IGFBP4: variants seen among roughly 807,000 people sequenced by gnomAD.
IGFBP4 encodes the protein insulin-like growth factor-binding protein 4.
Under a neutral mutation model 25.8 loss-of-function variants are expected in IGFBP4, and 9 were observed. That is an observed-to-expected ratio of 0.35 (90% CI 0.21 to 0.61). The LOEUF (loss-of-function observed/expected upper bound fraction) is 0.61, where lower values mean the gene tolerates loss of function less well. Ranked by LOEUF, IGFBP4 falls within the 20% of genes least tolerant of loss-of-function variation. IGFBP4 has a pLI of 0.77. For missense variants in IGFBP4, 315 were observed against 365.3 expected (o/e 0.86, Z 1.12); for synonymous variants, 153 against 153.9 (o/e 0.99, Z 0.05).
At chr17:40,446,310 TA>T (rs34843649) in intron 1 of IGFBP4, among the ~76,000 whole-genome samples, 69,622 of 133,730 alleles carry the variant, frequency 0.52, 18,468 homozygotes, top group Middle Eastern at 0.64. Context: ...CTCTATTTCG[TA>T]AAAAAAAAAA....
intron 1 of IGFBP4, among the ~76,000 whole-genome samples, chr17:40,450,480 G>C (rs1009807750): frequency 6.6e-6 from 1 of 152,004 alleles, no homozygotes; most frequent in Admixed American, 6.6e-5. Flanking sequence ...CTCAGCCTCT[G>C]TCCTTCTGAC....
rs923266973 is a variant in IGFBP4 at position 40,457,588 on chromosome 17, C to T, written c.*1005C>T. ...ATATCTCCTTCCCCTACACCTCCCT[C>T]CCCACACCTCCCTACTCCCCTGGGC... On this transcript the variant is annotated 3_prime_UTR_variant, in exon 4 of 4. Transcript: ENST00000269593. 17 of 152,166 alleles carry T rather than the reference C, an allele frequency of 1.1e-4. No individual in the cohort carries two copies. The highest frequency in any genetic ancestry group is 4.1e-4 in the African/African-American group (17 of 41,392). 9.4% of individuals were successfully genotyped at this position (152,166 alleles called of 1,614,324 possible).
chr17:40,455,381 T>G (rs1370284295), intron 3 of IGFBP4, among the ~76,000 whole-genome samples: 1 of 152,118 alleles, frequency 6.6e-6, no homozygotes, highest in Non-Finnish European at 1.5e-5. Flanking sequence ...AGTGCAGTGA[T>G]GCGATCACAG....
In IGFBP4 at chr17:40,453,744, C is replaced by T. The variant is rs1171783540; in HGVS notation, c.508-184C>T. Among the ~76,000 whole-genome samples the T allele has an allele frequency of 2.6e-5, 4 of 152,266 alleles. No homozygotes were observed. The South Asian group carries it at 6.2e-4, about 24-fold the overall frequency. ...CTTTGGCTCGAGACCCTTTCCTCCA[C>T]GTCTCTACCCTCCCAGTGTGTCCTC... On this transcript the variant is annotated intron_variant, in intron 2 of 3. Transcript: ENST00000269593. The surrounding 1 kb of genome is among the most constrained non-coding windows in gnomAD (Gnocchi z 4.0).
rs769764436 is a variant in IGFBP4 at position 40,453,911 on chromosome 17, G to A, written c.508-17G>A. 1 of 1,591,394 alleles carries A rather than the reference G, an allele frequency of 6.3e-7. No individual in the cohort carries two copies. The highest frequency in any genetic ancestry group is 1.1e-5 in the South Asian group (1 of 88,174). On this transcript the variant is annotated splice_polypyrimidine_tract_variant and intron_variant, in intron 2 of 3. Coordinates refer to ENST00000269593, the MANE Select transcript of IGFBP4 (RefSeq NM_001552.3). This position sits in a 1 kb window ranked among gnomAD's most constrained non-coding sequence, Gnocchi z 4.0. ...TCTCTTCCTTCTGCTGAGCAATTTT[G>A]TCTTCCCCTCCTCCAGCCCCAGGGC...
At position 40,443,464 on chromosome 17, in the gene IGFBP4, C is replaced by G. The variant is rs2035620424; in HGVS notation, c.-272C>G. 6.4e-6 allele frequency: 1 copy of G among 156,936 alleles called. No homozygotes were observed. Among genetic ancestry groups the G allele is most frequent in the African/African-American group, 2.4e-5 (1 of 41,460 alleles). The allele number at this position is 156,936 out of a possible 1,614,324, so 9.7% of individuals were successfully genotyped here. On this transcript the variant is annotated 5_prime_UTR_variant, in exon 1 of 4. Transcript: ENST00000269593. Reference sequence around the variant, plus strand: ...CGGTCCCGGGCAGCCGCTCAGCCCCCTGCCCCTCGCCGCCCGCCGCCTGCC... The same window carrying G: ...CGGTCCCGGGCAGCCGCTCAGCCCCGTGCCCCTCGCCGCCCGCCGCCTGCC...
At chr17:40,447,782 G>A (rs984231262) in intron 1 of IGFBP4, among the ~76,000 whole-genome samples, 6 of 152,104 alleles carry the variant, frequency 3.9e-5, no homozygotes, top group Admixed American at 2.0e-4. Context: ...GGGTTGGGGC[G>A]TCTGGCATCG....
rs895494664 is a variant in IGFBP4, at chr17:40,443,990, G to A, written c.255G>A (p.Gly85=). Residue 85 remains glycine, a synonymous_variant, in exon 1 of 4, where the codon GGG becomes GGA. Transcript: ENST00000269593. ...GSGLRCYPPR[G]VEKPLHTLMH... Reference sequence around the variant, plus strand: ...GCCTGCGCTGCTACCCGCCCCGAGGGGTGGAGAAGCCCCTGCACACACTGA... The same window carrying A: ...GCCTGCGCTGCTACCCGCCCCGAGGAGTGGAGAAGCCCCTGCACACACTGA... The A allele has an allele frequency of 1.3e-6, 2 of 1,531,992 alleles. No homozygotes were observed. Among genetic ancestry groups the A allele is most frequent in the Non-Finnish European group, 1.7e-6 (2 of 1,144,892 alleles). 94.9% of individuals were successfully genotyped at this position (1,531,992 alleles called of 1,614,324 possible). A position where few individuals can be genotyped will look rare whatever the true frequency, so the allele number is the denominator to read the frequency against.
rs976069773 is a variant in IGFBP4 at position 40,443,760 on chromosome 17, G to A, written c.25G>A (p.Ala9Thr). ...CATGCTGCCCCTCTGCCTCGTGGCCGCCCTGCTGCTGGCCGCCGGGCCCGG... is the reference window on the plus strand; with the variant it reads ...CATGCTGCCCCTCTGCCTCGTGGCCACCCTGCTGCTGGCCGCCGGGCCCGG... MLPLCLVA[A>T]LLLAAGPGPS... The change falls in exon 1 of 4, where the codon GCC becomes ACC. Residue 9 changes from alanine to threonine, a missense_variant. Transcript: ENST00000269593. The A allele has an allele frequency of 6.0e-6, 9 of 1,498,442 alleles. No individual in the cohort carries two copies. The African/African-American group carries it at 1.2e-4, about 19-fold the overall frequency. 92.8% of individuals were successfully genotyped at this position (1,498,442 alleles called of 1,614,324 possible).
chr17:40,443,700 C>G lies in IGFBP4; in HGVS notation c.-36C>G. On this transcript the variant is annotated 5_prime_UTR_variant, in exon 1 of 4. Coordinates refer to ENST00000269593, the MANE Select transcript of IGFBP4 (RefSeq NM_001552.3). ...CGCGCCCGCGCTCCCCGCCTGCGCC[C>G]AGCGCCCCGCGCCCGCGCCCAGTCC... 1 of 1,267,178 alleles carries G rather than the reference C, an allele frequency of 7.9e-7. No individual in the cohort carries two copies. The highest frequency in any genetic ancestry group is 1.0e-6 in the Non-Finnish European group (1 of 1,000,146). 78.5% of individuals were successfully genotyped at this position (1,267,178 alleles called of 1,614,324 possible). A position where few individuals can be genotyped will look rare whatever the true frequency, so the allele number is the denominator to read the frequency against.
At chr17:40,444,926 CAG>C (rs1272915770) in intron 1 of IGFBP4, among the ~76,000 whole-genome samples, 1,498 of 61,714 alleles carry the variant, frequency 0.024, 12 homozygotes, top group African/African-American at 0.033. Flanking sequence ...CACACACACA[CAG>C]AGACAGAGAG....
In IGFBP4 at chr17:40,453,959, G is replaced by C. The variant is rs765862306; in HGVS notation, c.539G>C (p.Arg180Pro). 2 of 1,611,820 alleles carry C rather than the reference G, an allele frequency of 1.2e-6. No homozygotes were observed. The highest frequency in any genetic ancestry group is 1.7e-6 in the Non-Finnish European group (2 of 1,179,256). ...GGCTCCTGCCAGAGCGAGCTGCACC[G>C]GGCGCTGGAGCGGCTGGCCGCTTCA... ...PQGSCQSELH[R>P]ALERLAASQS... The change falls in exon 3 of 4, where the codon CGG (arginine) becomes CCG (proline). Residue 180 changes from arginine to proline, a missense_variant. Physicochemically the swap from Arg to Pro is moderately radical, Grantham distance 103 (BLOSUM62 -2). Coordinates refer to ENST00000269593, the MANE Select transcript of IGFBP4 (RefSeq NM_001552.3). This position sits in a 1 kb window ranked among gnomAD's most constrained non-coding sequence, Gnocchi z 4.0.
intron 3 of IGFBP4, among the ~76,000 whole-genome samples, chr17:40,456,023 T>C (rs1195934982): frequency 1.3e-5 from 2 of 152,178 alleles, no homozygotes; most frequent in African/African-American, 2.4e-5. Context: ...ACCCAACTCA[T>C]CCAGCTCAAC....
At chr17:40,446,864 C>A (rs1038256611) in intron 1 of IGFBP4, among the ~76,000 whole-genome samples, 2 of 152,162 alleles carry the variant, frequency 1.3e-5, no homozygotes, top group African/African-American at 4.8e-5. Context: ...TAGAAGTAAT[C>A]CCTTGCTGTG....
Position 40,453,925 on chromosome 17 carries a change from C to T in IGFBP4, c.508-3C>T. Reference sequence around the variant, plus strand: ...TGAGCAATTTTGTCTTCCCCTCCTCCAGCCCCAGGGCTCCTGCCAGAGCGA... The same window carrying T: ...TGAGCAATTTTGTCTTCCCCTCCTCTAGCCCCAGGGCTCCTGCCAGAGCGA... On this transcript the variant is annotated splice_polypyrimidine_tract_variant and splice_region_variant and intron_variant, in intron 2 of 3. Transcript: ENST00000269593. This position sits in a 1 kb window ranked among gnomAD's most constrained non-coding sequence, Gnocchi z 4.0. The T allele has an allele frequency of 6.2e-7, 1 of 1,602,604 alleles. No homozygotes were observed. The highest frequency in any genetic ancestry group is 2.3e-5 in the East Asian group (1 of 44,000).
At position 40,453,934 on chromosome 17, in the gene IGFBP4, G is replaced by A. The variant is rs774741406; in HGVS notation, c.514G>A (p.Gly172Ser). 2 of 1,605,184 alleles carry A rather than the reference G, an allele frequency of 1.2e-6. No individual in the cohort carries two copies. Among genetic ancestry groups the A allele is most frequent in the East Asian group, 2.3e-5 (1 of 43,906 alleles). ...TTGTCTTCCCCTCCTCCAGCCCCAG[G>A]GCTCCTGCCAGAGCGAGCTGCACCG... ...PREDARPVPQ[G>S]SCQSELHRAL... Residue 172 changes from glycine to serine, a missense_variant, in exon 3 of 4, where the codon GGC becomes AGC. By Grantham distance (56) the Gly-to-Ser change is moderately conservative (BLOSUM62 0). Transcript: ENST00000269593. The surrounding 1 kb of genome is among the most constrained non-coding windows in gnomAD (Gnocchi z 4.0).
rs2035699163 is a variant in IGFBP4, at chr17:40,453,752, C to T, written c.508-176C>T. Among the ~76,000 whole-genome samples, 1 of 152,092 alleles carries T rather than the reference C, an allele frequency of 6.6e-6. No homozygotes were observed. The highest frequency in any genetic ancestry group is 2.1e-4 in the South Asian group (1 of 4,822). On this transcript the variant is annotated intron_variant, in intron 2 of 3. Coordinates refer to ENST00000269593, the MANE Select transcript of IGFBP4 (RefSeq NM_001552.3). This position sits in a 1 kb window ranked among gnomAD's most constrained non-coding sequence, Gnocchi z 4.0. Reference sequence around the variant, plus strand: ...CGAGACCCTTTCCTCCACGTCTCTACCCTCCCAGTGTGTCCTCCAGACCCA... The same window carrying T: ...CGAGACCCTTTCCTCCACGTCTCTATCCTCCCAGTGTGTCCTCCAGACCCA...
At chr17:40,454,994 G>A (rs2035706433) in intron 3 of IGFBP4, among the ~76,000 whole-genome samples, 2 of 152,208 alleles carry the variant, frequency 1.3e-5, no homozygotes, top group South Asian at 4.1e-4. Context: ...AAGGGTATGA[G>A]TGAAGGGACA....
intron 1 of IGFBP4, 94 bp from the exon 2 acceptor site, chr17:40,452,891 T>A: frequency 9.3e-7 from 1 of 1,071,204 alleles, no homozygotes; most frequent in Non-Finnish European, 1.3e-6. Context: ...AGCCGAAGAA[T>A]CCCCAGGAAG....
Sources: allele counts gnomAD v4.1 joint callset (sites outside exome capture counted in the v4.1 genomes callset), GRCh38; gene constraint gnomAD v4.1.1; non-coding constraint Gnocchi (gnomAD v3.1); transcripts MANE v1.5; gene names NCBI Gene and HGNC (gene_info 2026-07-23, HGNC 2026-07-21).